NYAP2: variants seen among roughly 807,000 people sequenced by gnomAD.
The protein encoded by NYAP2 is neuronal tyrosine-phosphorylated phosphoinositide-3-kinase adaptor 2.
A neutral mutation model predicts 50.4 loss-of-function variants in NYAP2; 23 were observed. The ratio of observed to expected loss-of-function variants is 0.46; its 90% CI spans 0.33 to 0.65. The LOEUF (loss-of-function observed/expected upper bound fraction) is 0.65, where lower values mean the gene tolerates loss of function less well. NYAP2 is among the 30% of genes least tolerant of loss of function. The pLI, the probability that NYAP2 is intolerant of heterozygous loss-of-function variation, is 0.02. For synonymous variants in NYAP2, 394 were observed against 365.2 expected (o/e 1.08, Z -0.90); for missense variants, 885 against 861.0 (o/e 1.03, Z -0.35).
At chr2:225,497,389 T>C (rs995910240) in intron 3 of NYAP2, among the ~76,000 whole-genome samples, 12 of 152,208 alleles carry the variant, frequency 7.9e-5, no homozygotes, top group Non-Finnish European at 7.3e-5. Context: ...GTGATTCACA[T>C]TTACATGTCA....
chr2:225,478,469 A>G (rs1690154405), intron 3 of NYAP2, among the ~76,000 whole-genome samples: 1 of 152,234 alleles, frequency 6.6e-6, no homozygotes, highest in Non-Finnish European at 1.5e-5. Flanking sequence ...ATGATAATCA[A>G]GAAGTATATG....
At chr2:225,595,048 G>A (rs532309597) in intron 5 of NYAP2, among the ~76,000 whole-genome samples, 8 of 152,144 alleles carry the variant, frequency 5.3e-5, no homozygotes, top group East Asian at 1.9e-4. Context: ...GCAGAAGTCC[G>A]TAATATTCTT....
chr2:225,701,950 C>A, the NYAP2 span: 1 of 151,604 alleles, frequency 6.6e-6, no homozygotes, highest in Non-Finnish European at 1.5e-5. Context: ...AAAACTAAAG[C>A]CATTGGGTTA....
chr2:225,521,834 A>G (rs2106191580), intron 4 of NYAP2, among the ~76,000 whole-genome samples: 1 of 152,110 alleles, frequency 6.6e-6, no homozygotes, highest in East Asian at 1.9e-4. Context: ...GATTGGAATA[A>G]TTTCGGAAGG....
At chr2:225,639,939 A>G (rs1455332387) in intron 6 of NYAP2, among the ~76,000 whole-genome samples, 1 of 152,182 alleles carries the variant, frequency 6.6e-6, no homozygotes, top group Non-Finnish European at 1.5e-5. Flanking sequence ...CTGTGACGCC[A>G]TGACCCACAT....
At chr2:225,484,467 C>A (rs1690256770) in intron 3 of NYAP2, among the ~76,000 whole-genome samples, 1 of 152,288 alleles carries the variant, frequency 6.6e-6, no homozygotes, top group African/African-American at 2.4e-5. Context: ...TTAATAATCT[C>A]TATGACAGTG....
At chr2:225,627,873 C>A (rs892254500) in intron 6 of NYAP2, among the ~76,000 whole-genome samples, 1 of 152,174 alleles carries the variant, frequency 6.6e-6, no homozygotes, top group Non-Finnish European at 1.5e-5. Context: ...AATCAAGGAA[C>A]CTCCTGTAGT....
chr2:225,576,818 T>C (rs1692177135), intron 4 of NYAP2, among the ~76,000 whole-genome samples: 1 of 152,190 alleles, frequency 6.6e-6, no homozygotes, highest in Non-Finnish European at 1.5e-5. Flanking sequence ...CTCTTAGATA[T>C]TGTGGTTAGT....
chr2:225,433,343 G>A (rs139895611), intron 3 of NYAP2, among the ~76,000 whole-genome samples: 258 of 128,382 alleles, frequency 2.0e-3, no homozygotes, highest in African/African-American at 6.9e-3. Context: ...GCAAAGTAGT[G>A]AGACCCTATC....
At chr2:225,573,169 A>ATT (rs146321195) in intron 4 of NYAP2, among the ~76,000 whole-genome samples, 4 of 149,332 alleles carry the variant, frequency 2.7e-5, no homozygotes, top group African/African-American at 9.9e-5. Context: ...TTAATTTTGG[A>ATT]TTTTTTTTTC....
intron 5 of NYAP2, among the ~76,000 whole-genome samples, chr2:225,623,025 C>T (rs1333736338): frequency 6.6e-6 from 1 of 152,164 alleles, no homozygotes. Flanking sequence ...ATTTCCGAAA[C>T]ATGTTCATTC....
intron 3 of NYAP2, among the ~76,000 whole-genome samples, chr2:225,440,803 T>G (rs1375837456): frequency 1.3e-5 from 2 of 152,190 alleles, no homozygotes; most frequent in East Asian, 3.9e-4. Context: ...TCAGCTCTCC[T>G]GGTGGGTAGG....
At chr2:225,697,589 C>A in the NYAP2 span, among the ~76,000 whole-genome samples, 2 of 151,832 alleles carry the variant, frequency 1.3e-5, no homozygotes, top group African/African-American at 2.4e-5. Context: ...ATCTTTAAAA[C>A]ATATCACATT....
intron 3 of NYAP2, among the ~76,000 whole-genome samples, chr2:225,505,415 A>G (rs1245664187): frequency 6.6e-6 from 1 of 152,244 alleles, no homozygotes. Flanking sequence ...AATGGTGAGT[A>G]AACAATTTGA....
chr2:225,526,184 A>G (rs1224972392), intron 4 of NYAP2, among the ~76,000 whole-genome samples: 1 of 152,200 alleles, frequency 6.6e-6, no homozygotes, highest in Admixed American at 6.6e-5. Flanking sequence ...CATCTGATCT[A>G]CAGAAGTGTG....
chr2:225,536,269 G>T (rs1691348601), intron 4 of NYAP2, among the ~76,000 whole-genome samples: 1 of 152,166 alleles, frequency 6.6e-6, no homozygotes, highest in South Asian at 2.1e-4. Context: ...GCTACCACAT[G>T]GTAGGCAGCA....
At chr2:225,442,695 G>A (rs1435986601) in intron 3 of NYAP2, among the ~76,000 whole-genome samples, 3 of 151,892 alleles carry the variant, frequency 2.0e-5, no homozygotes, top group Non-Finnish European at 4.4e-5. Flanking sequence ...CCTGTGTCAG[G>A]CTCCCGAGTA....
chr2:225,542,461 G>T (rs1190490998), intron 4 of NYAP2, among the ~76,000 whole-genome samples: 1 of 151,948 alleles, frequency 6.6e-6, no homozygotes, highest in Non-Finnish European at 1.5e-5. Context: ...CCAGTTTTTT[G>T]AGTTTTTTAA....
At chr2:225,404,309 T>C (rs905191334) in intron 2 of NYAP2, among the ~76,000 whole-genome samples, 1 of 151,940 alleles carries the variant, frequency 6.6e-6, no homozygotes, top group East Asian at 1.9e-4. Flanking sequence ...CAGGAAACTA[T>C]AGAAAAAGAA....
Sources: allele counts gnomAD v4.1 joint callset (sites outside exome capture counted in the v4.1 genomes callset), GRCh38; gene constraint gnomAD v4.1.1; transcripts MANE v1.5; gene names NCBI Gene and HGNC (gene_info 2026-07-23, HGNC 2026-07-21).